Variants in CTTNBP2 observed in about 807,000 individuals in gnomAD.
CTTNBP2 encodes cortactin-binding protein 2.
A neutral mutation model predicts 156.9 loss-of-function variants in CTTNBP2; 108 were observed. That is an observed-to-expected ratio of 0.69 (90% CI 0.59 to 0.81). CTTNBP2 has a LOEUF of 0.81. Among genes scored for constraint, CTTNBP2 ranks in the 30% least tolerant of loss-of-function variants. The pLI is 0.00. For synonymous variants in CTTNBP2, 767 were observed against 751.8 expected (o/e 1.02, Z -0.33); for missense variants, 1,924 against 2,035.4 (o/e 0.95, Z 1.05).
chr7:117,747,227 C>T (rs1043303387), intron 12 of CTTNBP2, among the ~76,000 whole-genome samples: 7 of 152,140 alleles, frequency 4.6e-5, no homozygotes, highest in Non-Finnish European at 7.4e-5. Flanking sequence ...TAATCTAGAA[C>T]AGGACAATGT....
At chr7:117,739,694 C>T (rs1456857151) in intron 14 of CTTNBP2, among the ~76,000 whole-genome samples, 1 of 152,206 alleles carries the variant, frequency 6.6e-6, no homozygotes. Context: ...ATTATCTCCC[C>T]TTTCAGGACA....
chr7:117,720,937 T>C (rs562627822), intron 20 of CTTNBP2, 130 bp downstream of exon 20: 1 of 707,448 alleles, frequency 1.4e-6, no homozygotes, highest in East Asian at 2.6e-5. Context: ...TTGAATGACA[T>C]ATATAACTTT....
At chr7:117,776,890 G>A (rs986440855) in intron 8 of CTTNBP2, among the ~76,000 whole-genome samples, 4 of 152,150 alleles carry the variant, frequency 2.6e-5, no homozygotes, top group Non-Finnish European at 4.4e-5. Flanking sequence ...ATGTTAGCAC[G>A]CACAGTGCCT....
At chr7:117,762,593 C>A (rs1426842439) in intron 9 of CTTNBP2, among the ~76,000 whole-genome samples, 1 of 152,198 alleles carries the variant, frequency 6.6e-6, no homozygotes, top group Non-Finnish European at 1.5e-5. Flanking sequence ...ACCTGGAATA[C>A]CATATGCATG....
chr7:117,791,032 TAA>T, intron 4 of CTTNBP2, 94 bp downstream of exon 4: 1 of 1,041,700 alleles, frequency 9.6e-7, no homozygotes, highest in African/African-American at 1.6e-5. Flanking sequence ...GCATCAAATT[TAA>T]AAAAAAAGTT....
rs747459478 is a variant in CTTNBP2, at chr7:117,760,620, C to T, written c.2987G>A (p.Cys996Tyr). Residue 996 changes from cysteine (C) to tyrosine (Y), a missense_variant, in exon 10 of 23, where the codon TGT (cysteine) becomes TAT (tyrosine). Cys to Tyr is a radical substitution (Grantham distance 194). Coordinates refer to ENST00000160373, the MANE Select transcript of CTTNBP2 (RefSeq NM_033427.3). Reference sequence around the variant, plus strand: ...TGTCTGTTTGCGGATATTTAAAGCACATATTGTGTTTTCACATTCCAAGTC... The same window carrying T: ...TGTCTGTTTGCGGATATTTAAAGCATATATTGTGTTTTCACATTCCAAGTC... Reference protein sequence around the residue: ...SDDLECENTICALNIRKQTSW... With the variant: ...SDDLECENTIYALNIRKQTSW... 3 of 1,614,038 alleles carry T rather than the reference C, an allele frequency of 1.9e-6. No homozygotes were observed. The highest frequency in any genetic ancestry group is 2.2e-5 in the East Asian group (1 of 44,872).
chr7:117,722,489 A>C (rs1794856831), intron 19 of CTTNBP2, among the ~76,000 whole-genome samples: 1 of 152,214 alleles, frequency 6.6e-6, no homozygotes, highest in Non-Finnish European at 1.5e-5. Flanking sequence ...TTCATGCTTC[A>C]AAGAATATAA....
intron 1 of CTTNBP2, among the ~76,000 whole-genome samples, chr7:117,869,132 T>C (rs1346380419): frequency 3.3e-5 from 5 of 152,126 alleles, no homozygotes; most frequent in African/African-American, 1.2e-4. Flanking sequence ...GTGTTGGAAA[T>C]TAAACTTTTA....
At chr7:117,846,143 G>A (rs772512290) in intron 2 of CTTNBP2, among the ~76,000 whole-genome samples, 10 of 152,022 alleles carry the variant, frequency 6.6e-5, no homozygotes, top group African/African-American at 1.2e-4. Flanking sequence ...GAGCCACCGC[G>A]CCCGGTCCTG....
intron 22 of CTTNBP2, 71 bp downstream of exon 22, chr7:117,717,947 G>A: frequency 1.0e-6 from 1 of 952,496 alleles, no homozygotes; most frequent in East Asian, 2.4e-5. Context: ...GATTCACACT[G>A]AAAGATGATT....
At chr7:117,817,358 A>AT (rs1563037636) in intron 2 of CTTNBP2, among the ~76,000 whole-genome samples, 10 of 78,912 alleles carry the variant, frequency 1.3e-4, no homozygotes, top group South Asian at 1.2e-3. Context: ...AAAAAAAAAA[A>AT]AAAATATATA....
chr7:117,730,689 T>A (rs1386223655), intron 16 of CTTNBP2, among the ~76,000 whole-genome samples: 3 of 152,158 alleles, frequency 2.0e-5, no homozygotes, highest in Non-Finnish European at 4.4e-5. Context: ...TTCTTGTTAT[T>A]GAGGAAAGCC....
intron 1 of CTTNBP2, among the ~76,000 whole-genome samples, chr7:117,872,997 C>T (rs983160292): frequency 4.9e-4 from 75 of 152,274 alleles, no homozygotes; most frequent in Middle Eastern, 3.4e-3. Flanking sequence ...ACGTCCCAGC[C>T]TTCTCCCCCG....
chr7:117,752,108 C>G (rs941131548), intron 12 of CTTNBP2, among the ~76,000 whole-genome samples: 7 of 152,144 alleles, frequency 4.6e-5, no homozygotes, highest in African/African-American at 1.7e-4. Context: ...TCACTTACAA[C>G]CTTATTTTTA....
chr7:117,812,146 C>T (rs1800333005), intron 2 of CTTNBP2, among the ~76,000 whole-genome samples: 2 of 151,722 alleles, frequency 1.3e-5, no homozygotes, highest in Admixed American at 1.3e-4. Context: ...AATTTCACAC[C>T]CACGCAATGA....
intron 19 of CTTNBP2, among the ~76,000 whole-genome samples, chr7:117,723,970 T>A (rs1794945161): frequency 6.6e-6 from 1 of 152,016 alleles, no homozygotes; most frequent in Non-Finnish European, 1.5e-5. Context: ...CCTCAAGCTA[T>A]CCACTCGTCT....
In CTTNBP2 at chr7:117,792,330, C is replaced by T. The variant is rs541089121; in HGVS notation, c.866G>A (p.Arg289His). 1.5e-4 allele frequency: 240 copies of T among 1,614,178 alleles called. 2 individuals are homozygous for T. The South Asian group carries it at 1.9e-3, about 13-fold the overall frequency. Residue 289 changes from arginine (R) to histidine (H), a missense_variant, in exon 4 of 23, where the codon CGT (arginine) becomes CAT (histidine). Physicochemically the swap from Arg to His is conservative, Grantham distance 29. Coordinates refer to ENST00000160373, the MANE Select transcript of CTTNBP2 (RefSeq NM_033427.3). This position sits in a 1 kb window ranked among gnomAD's most constrained non-coding sequence, Gnocchi z 4.2. ...LSLPRKTKDR[R>H]LVSISVGTEG... ...TGTTCCCACAGATATGGAAACCAAA[C>T]GCCTATCTTTTGTCTTCCGTGGAAG... is the stretch of plus-strand genomic sequence containing the variant.
chr7:117,712,531 C>T (rs1794116682), intron 22 of CTTNBP2: 2 of 152,326 alleles, frequency 1.3e-5, no homozygotes, highest in South Asian at 2.1e-4. Context: ...CATGACATGA[C>T]TCCTACTAAG....
At chr7:117,846,582 G>A (rs1359657885) in intron 2 of CTTNBP2, among the ~76,000 whole-genome samples, 1 of 151,748 alleles carries the variant, frequency 6.6e-6, no homozygotes, top group East Asian at 1.9e-4. Context: ...GAAAAAAAAA[G>A]AAATATACTT....
Sources: allele counts gnomAD v4.1 joint callset (sites outside exome capture counted in the v4.1 genomes callset), GRCh38; gene constraint gnomAD v4.1.1; non-coding constraint Gnocchi (gnomAD v3.1); transcripts MANE v1.5; gene names NCBI Gene and HGNC (gene_info 2026-07-23, HGNC 2026-07-21).